TNFRSF8: variants seen among roughly 807,000 people sequenced by gnomAD.
The protein encoded by TNFRSF8 is tumor necrosis factor receptor superfamily member 8.
A neutral mutation model predicts 70.8 loss-of-function variants in TNFRSF8; 26 were observed. That is an observed-to-expected ratio of 0.37 (90% CI 0.27 to 0.51). TNFRSF8 has a LOEUF of 0.51. Among genes scored for constraint, TNFRSF8 ranks in the 20% least tolerant of loss-of-function variants. The pLI is 0.94. For synonymous variants in TNFRSF8, 356 were observed against 339.2 expected, an observed-to-expected ratio of 1.05 and a Z score of -0.54; for missense variants, 720 against 807.9, an observed-to-expected ratio of 0.89 and a Z score of 1.32.
chr1:12,100,261 G>A (rs574190649), intron 3 of TNFRSF8, among the ~76,000 whole-genome samples: 1 of 152,230 alleles, frequency 6.6e-6, no homozygotes, highest in East Asian at 1.9e-4. Context: ...AGTTGTTCTG[G>A]GTGAGTCAAT....
chr1:12,125,351 C>T (rs1641919436), intron 10 of TNFRSF8, among the ~76,000 whole-genome samples: 1 of 152,182 alleles, frequency 6.6e-6, no homozygotes, highest in African/African-American at 2.4e-5. Context: ...CTGCCACTTA[C>T]TCTCAGGGTG....
At chr1:12,081,197 C>T (rs1285456623) in intron 1 of TNFRSF8, among the ~76,000 whole-genome samples, 2 of 152,162 alleles carry the variant, frequency 1.3e-5, no homozygotes, top group Admixed American at 6.5e-5. Flanking sequence ...GCAGCCAGAG[C>T]CCCCCAGGTG....
In TNFRSF8 at chr1:12,108,016, TGCTC is replaced by T. The variant is rs1443030029; in HGVS notation, c.422-1547_422-1544del. ...GCCACAGAACACGAGAGGTCAGCAT[TGCTC>T]GCGCTCACCTCCACGGAAAGCTTCA... On this transcript the variant is annotated intron_variant, in intron 4 of 14. Coordinates refer to ENST00000263932, the MANE Select transcript of TNFRSF8 (RefSeq NM_001243.5). This position sits in a 1 kb window ranked among gnomAD's most constrained non-coding sequence, Gnocchi z 4.0. Among the ~76,000 whole-genome samples the T allele has an allele frequency of 6.6e-6, 1 of 151,802 alleles. No individual in the cohort carries two copies. The highest frequency in any genetic ancestry group is 1.5e-5 in the Non-Finnish European group (1 of 67,948).
chr1:12,097,035 G>A (rs1641342816), intron 2 of TNFRSF8, 66 bp from the exon 3 acceptor site: 4 of 1,224,378 alleles, frequency 3.3e-6, no homozygotes, highest in Admixed American at 3.5e-5. Flanking sequence ...GAGAGGTGTG[G>A]GGCATTGGGT....
At chr1:12,104,732 CAG>C (rs1476054664) in intron 4 of TNFRSF8, among the ~76,000 whole-genome samples, 3 of 152,228 alleles carry the variant, frequency 2.0e-5, no homozygotes, top group African/African-American at 7.2e-5. Flanking sequence ...GTTCCAGGTG[CAG>C]AGAGACCCTG....
At chr1:12,117,769 C>T (rs192003247) in intron 8 of TNFRSF8, among the ~76,000 whole-genome samples, 3 of 152,282 alleles carry the variant, frequency 2.0e-5, no homozygotes, top group East Asian at 3.9e-4. Context: ...GAACTCAGGA[C>T]GTTTAGGGTA....
At chr1:12,114,103 C>G (rs1641682497) in intron 7 of TNFRSF8, among the ~76,000 whole-genome samples, 1 of 152,156 alleles carries the variant, frequency 6.6e-6, no homozygotes, top group South Asian at 2.1e-4. Context: ...GTATTAGTAG[C>G]TAAAGGCATG....
intron 1 of TNFRSF8, among the ~76,000 whole-genome samples, chr1:12,083,108 G>A (rs373463915): frequency 6.6e-6 from 1 of 152,094 alleles, no homozygotes; most frequent in Non-Finnish European, 1.5e-5. Context: ...CCACAATGAG[G>A]TATCACTACA....
chr1:12,109,983 C>G lies in TNFRSF8; in HGVS notation c.513-58C>G. ...CTGTGGAAACTGTTACTCGTGAGCA[C>G]AGGCCTCCCTTGCCCCATTGGCAGA... On this transcript the variant is annotated intron_variant, in intron 5 of 14. Coordinates refer to ENST00000263932, the MANE Select transcript of TNFRSF8 (RefSeq NM_001243.5). The surrounding 1 kb of genome is among the most constrained non-coding windows in gnomAD (Gnocchi z 4.4). 6.3e-7 allele frequency: 1 copy of G among 1,577,758 alleles called. No homozygotes were observed. The highest frequency in any genetic ancestry group is 8.6e-7 in the Non-Finnish European group (1 of 1,159,844).
At chr1:12,099,498 G>A (rs1013072649) in intron 3 of TNFRSF8, among the ~76,000 whole-genome samples, 7 of 151,938 alleles carry the variant, frequency 4.6e-5, no homozygotes, top group Admixed American at 2.6e-4. Flanking sequence ...GTCCAGGCTG[G>A]CCTTAAACTC....
intron 13 of TNFRSF8, among the ~76,000 whole-genome samples, chr1:12,137,464 C>T (rs1459968252): frequency 1.3e-5 from 2 of 151,940 alleles, no homozygotes; most frequent in African/African-American, 2.4e-5. Context: ...GGCATCAGGA[C>T]ATTTCATGAG....
rs1192555839 is a variant in TNFRSF8 at position 12,084,491 on chromosome 1, G to A, written c.91G>A (p.Gly31Arg). Residue 31 changes from glycine to arginine, a missense_variant, in exon 2 of 15, where the codon GGA becomes AGA. Physicochemically the swap from Gly to Arg is moderately radical, Grantham distance 125 (BLOSUM62 -2). Transcript: ENST00000263932. ...QDRPFEDTCH[G>R]NPSHYYDKAV... ...TCGACCCTTCGAGGACACCTGTCAT[G>A]GAAACCCCAGCCACTACTATGACAA... 1.2e-6 allele frequency: 2 copies of A among 1,614,108 alleles called. No individual in the cohort carries two copies. The highest frequency in any genetic ancestry group is 1.7e-6 in the Non-Finnish European group (2 of 1,180,010).
chr1:12,136,649 G>T, intron 13 of TNFRSF8, among the ~76,000 whole-genome samples: 1 of 122,350 alleles, frequency 8.2e-6, no homozygotes, highest in Non-Finnish European at 1.7e-5. Flanking sequence ...GACTCCATCT[G>T]AAAAAAAAAA....
In TNFRSF8 at chr1:12,063,739, A is replaced by G; in HGVS notation, c.63+78A>G. ...GTGTGGGGTGCGTGGGACGCAAGGG[A>G]GGACACTCCTCACCCCGTTCCCTGC... On this transcript the variant is annotated intron_variant, in intron 1 of 14. Coordinates refer to ENST00000263932, the MANE Select transcript of TNFRSF8 (RefSeq NM_001243.5). The surrounding 1 kb of genome is among the most constrained non-coding windows in gnomAD (Gnocchi z 7.2). The G allele has an allele frequency of 1.6e-6, 2 of 1,213,076 alleles. No homozygotes were observed. The highest frequency in any genetic ancestry group is 1.0e-6 in the Non-Finnish European group (1 of 958,124). The allele number at this position is 1,213,076 out of a possible 1,614,324, so 75.1% of individuals were successfully genotyped here.
chr1:12,143,063 G>A lies in TNFRSF8; in HGVS notation c.*532G>A. 1 of 154,886 alleles carries A rather than the reference G, an allele frequency of 6.5e-6. No homozygotes were observed. Among genetic ancestry groups the A allele is most frequent in the South Asian group, 1.9e-4 (1 of 5,216 alleles). 9.6% of individuals were successfully genotyped at this position (154,886 alleles called of 1,614,324 possible). On this transcript the variant is annotated 3_prime_UTR_variant, in exon 15 of 15. Coordinates refer to ENST00000263932, the MANE Select transcript of TNFRSF8 (RefSeq NM_001243.5). This position sits in a 1 kb window ranked among gnomAD's most constrained non-coding sequence, Gnocchi z 4.1. Reference sequence around the variant, plus strand: ...CAGTGCCTGTGGTTGTTTCTCCAGAGTCAAAAGGGAAGTCGAGGGATGGGG... The same window carrying A: ...CAGTGCCTGTGGTTGTTTCTCCAGAATCAAAAGGGAAGTCGAGGGATGGGG...
chr1:12,086,084 C>T (rs1233436566), intron 2 of TNFRSF8, among the ~76,000 whole-genome samples: 1 of 152,172 alleles, frequency 6.6e-6, no homozygotes, highest in African/African-American at 2.4e-5. Flanking sequence ...CCCATCCACC[C>T]AGCTGTACTG....
chr1:12,125,379 G>A (rs1641919775), intron 10 of TNFRSF8, among the ~76,000 whole-genome samples: 1 of 152,158 alleles, frequency 6.6e-6, no homozygotes, highest in African/African-American at 2.4e-5. Context: ...GCAACTTAAC[G>A]AACTTTCGTG....
At chr1:12,105,170 C>T (rs543717821) in intron 4 of TNFRSF8, among the ~76,000 whole-genome samples, 55 of 152,250 alleles carry the variant, frequency 3.6e-4, no homozygotes, top group African/African-American at 1.3e-3. Flanking sequence ...GTGGCTGCCG[C>T]AGTTGCAGAC....
rs1641189722 is a variant in TNFRSF8, at chr1:12,088,311, T to C, written c.151+3760T>C. On this transcript the variant is annotated intron_variant, in intron 2 of 14. Transcript: ENST00000263932. This position sits in a 1 kb window ranked among gnomAD's most constrained non-coding sequence, Gnocchi z 4.0. Reference sequence around the variant, plus strand: ...GCACGCTATGTGCTGGCCACTGTGCTGGGCCCTTTACCGACCTTAAGTTCC... The same window carrying C: ...GCACGCTATGTGCTGGCCACTGTGCCGGGCCCTTTACCGACCTTAAGTTCC... Among the ~76,000 whole-genome samples the C allele has an allele frequency of 8.0e-6, 1 of 125,194 alleles. No homozygotes were observed. Among genetic ancestry groups the C allele is most frequent in the African/African-American group, 3.1e-5 (1 of 31,846 alleles). 82.1% of individuals were successfully genotyped at this position (125,194 alleles called of 152,430 possible).
Sources: gnomAD v4.1 joint callset for allele counts (sites outside exome capture counted in the v4.1 genomes callset) on GRCh38, gnomAD v4.1.1 for gene constraint, Gnocchi (gnomAD v3.1) non-coding constraint, MANE v1.5 for transcripts, NCBI Gene and HGNC (gene_info 2026-07-23, HGNC 2026-07-21) for gene names.